The following CORO2A variants were observed in gnomAD, a reference collection of about 807,000 sequenced individuals.
CORO2A encodes coronin 2A.
In CORO2A, 47 loss-of-function variants were observed where a neutral mutation model predicts 62.4. The observed-to-expected ratio is 0.75, with a 90% CI of 0.60 to 0.96. The LOEUF is 0.96. Ranked by LOEUF, CORO2A falls within the 40% of genes least tolerant of loss-of-function variation. The probability of loss-of-function intolerance (pLI) is 0.00; values close to 1 mark genes in which losing one functional copy is unlikely to be tolerated. For synonymous variants in CORO2A, 273 were observed against 268.9 expected, an observed-to-expected ratio of 1.02 and a Z score of -0.15; for missense variants, 610 against 684.1, an observed-to-expected ratio of 0.89 and a Z score of 1.21.
rs1554744991 is a variant in CORO2A at position 98,154,329 on chromosome 9, G to GTATATATATATATATGTA, written c.201+3130_201+3131insTACATATATATATATATA. ...TAGAGTCTTTCTTATGTGTTTGTGTGTATATATATATATATATATATATAC... is the reference window on the plus strand; with the variant it reads ...TAGAGTCTTTCTTATGTGTTTGTGTGTATATATATATATATGTATATATATATATATATATATATATAC... On this transcript the variant is annotated intron_variant, in intron 2 of 11. Coordinates refer to ENST00000375077, the MANE Select transcript of CORO2A (RefSeq NM_052820.4). 2.2e-3 allele frequency among the ~76,000 whole-genome samples: 194 copies of GTATATATATATATATGTA among 88,958 alleles called. 1 individual carries two copies. The highest frequency in any genetic ancestry group is 0.01 in the African/African-American group (186 of 18,488). 58.4% of individuals were successfully genotyped at this position (88,958 alleles called of 152,430 possible). A position where few individuals can be genotyped will look rare whatever the true frequency, so the allele number is the denominator to read the frequency against.
chr9:98,127,556 A>G (rs886452713), intron 10 of CORO2A, among the ~76,000 whole-genome samples: 9 of 152,278 alleles, frequency 5.9e-5, no homozygotes, highest in African/African-American at 2.2e-4. Context: ...TCGCACCTGT[A>G]ATCCCAGCAC....
At chr9:98,131,973 C>A (rs1039379336) in intron 6 of CORO2A, among the ~76,000 whole-genome samples, 3 of 152,174 alleles carry the variant, frequency 2.0e-5, no homozygotes, top group Non-Finnish European at 4.4e-5. Flanking sequence ...GGGTCCTGAC[C>A]CATCTCCCTC....
intron 2 of CORO2A, among the ~76,000 whole-genome samples, chr9:98,151,600 T>A (rs189912284): frequency 3.9e-5 from 6 of 152,336 alleles, no homozygotes; most frequent in Admixed American, 3.9e-4. Context: ...TAGACAATTA[T>A]ATATGTAAAT....
intron 3 of CORO2A, among the ~76,000 whole-genome samples, chr9:98,135,487 G>A (rs1827473824): frequency 6.6e-6 from 1 of 152,184 alleles, no homozygotes; most frequent in African/African-American, 2.4e-5. Context: ...TGAAGGTCAG[G>A]AGGCTGGGCT....
intron 1 of CORO2A, among the ~76,000 whole-genome samples, chr9:98,159,845 C>T (rs1827860030): frequency 6.6e-6 from 1 of 152,124 alleles, no homozygotes; most frequent in East Asian, 1.9e-4. Context: ...AGTGTCTATC[C>T]CCCTTGGGCC....
chr9:98,130,039 C>T (rs1194512333), intron 7 of CORO2A, 149 bp from the exon 8 acceptor site: 3 of 617,624 alleles, frequency 4.9e-6, no homozygotes, highest in African/African-American at 1.8e-5. Flanking sequence ...ACTGGGGGCC[C>T]TGTCATCAAG....
chr9:98,164,971 C>A (rs948424684), intron 1 of CORO2A, among the ~76,000 whole-genome samples: 1 of 151,306 alleles, frequency 6.6e-6, no homozygotes, highest in African/African-American at 2.5e-5. Context: ...CTAGGTGTAA[C>A]AATTCTTTTT....
intron 2 of CORO2A, among the ~76,000 whole-genome samples, chr9:98,142,818 C>T (rs1827590477): frequency 6.8e-6 from 1 of 147,784 alleles, no homozygotes; most frequent in Admixed American, 6.8e-5. Context: ...CCCCAGCCCT[C>T]CCCTCCGCCC....
intron 6 of CORO2A, 145 bp from the exon 7 acceptor site, chr9:98,131,204 C>A: frequency 1.6e-6 from 1 of 606,654 alleles, no homozygotes; most frequent in Non-Finnish European, 3.0e-6. Context: ...TATGTGTGTG[C>A]GGGGGGAAGA....
intron 2 of CORO2A, among the ~76,000 whole-genome samples, chr9:98,141,854 C>T (rs779768747): frequency 3.9e-5 from 6 of 151,980 alleles, no homozygotes; most frequent in Non-Finnish European, 5.9e-5. Flanking sequence ...CATGAAGAGC[C>T]CAACAGTCAG....
chr9:98,131,053 G>A lies in CORO2A; in HGVS notation c.772C>T (p.Leu258Phe). ...TCCTCCTCCATCAGAGGCACAGAGA[G>A]GTTATCCTGCAGGGGAAGGGGAGGC... ...RQVALWDQDN[L>F]SVPLMEEDLD... is the part of the protein sequence containing the mutation. Residue 258 changes from leucine (L) to phenylalanine (F), a missense_variant, in exon 7 of 12, where the codon CTC becomes TTC. Leu to Phe is a conservative substitution (Grantham distance 22). Coordinates refer to ENST00000375077, the MANE Select transcript of CORO2A (RefSeq NM_052820.4). 1 of 1,611,558 alleles carries A rather than the reference G, an allele frequency of 6.2e-7. No individual in the cohort carries two copies. The highest frequency in any genetic ancestry group is 1.1e-5 in the South Asian group (1 of 90,594).
chr9:98,179,425 C>T (rs1828148286), intron 1 of CORO2A, among the ~76,000 whole-genome samples: 1 of 152,336 alleles, frequency 6.6e-6, no homozygotes, highest in African/African-American at 2.4e-5. Flanking sequence ...TATCTCTCAT[C>T]CTCCCCATCT....
chr9:98,163,741 T>TGTGAGAGAGA (rs1253283361), intron 1 of CORO2A, among the ~76,000 whole-genome samples: 12 of 139,632 alleles, frequency 8.6e-5, no homozygotes, highest in African/African-American at 3.4e-4. Flanking sequence ...TGTGTGTGTG[T>TGTGAGAGAGA]GAGAGAGAGA....
chr9:98,191,296 C>T (rs1327636025), intron 1 of CORO2A, among the ~76,000 whole-genome samples: 3 of 152,164 alleles, frequency 2.0e-5, no homozygotes, highest in African/African-American at 7.2e-5. Flanking sequence ...ACATTCCAGT[C>T]CTGATGCACA....
intron 4 of CORO2A, among the ~76,000 whole-genome samples, chr9:98,133,728 C>T (rs1016521188): frequency 2.0e-5 from 3 of 152,058 alleles, no homozygotes; most frequent in African/African-American, 7.2e-5. Context: ...ATCGGAAGAG[C>T]GAGGGCCCAG....
chr9:98,154,515 A>G (rs1266340114), intron 2 of CORO2A, among the ~76,000 whole-genome samples: 1 of 151,970 alleles, frequency 6.6e-6, no homozygotes, highest in African/African-American at 2.4e-5. Context: ...TTACTAGCAC[A>G]TAGGAGGTCT....
At chr9:98,179,403 C>A (rs967774055) in intron 1 of CORO2A, among the ~76,000 whole-genome samples, 1 of 152,214 alleles carries the variant, frequency 6.6e-6, no homozygotes, top group Non-Finnish European at 1.5e-5. Context: ...CAATGACCTG[C>A]AATCCTGCTC....
At chr9:98,150,133 A>G in intron 2 of CORO2A, among the ~76,000 whole-genome samples, 1 of 152,032 alleles carries the variant, frequency 6.6e-6, no homozygotes, top group East Asian at 1.9e-4. Context: ...GGGTTTCACC[A>G]TGTTGGCCAG....
At chr9:98,134,991 C>T (rs2118817232) in intron 3 of CORO2A, 36 bp from the exon 4 acceptor site, 2 of 1,607,038 alleles carry the variant, frequency 1.2e-6, no homozygotes, top group Non-Finnish European at 1.7e-6. Flanking sequence ...CAGCATTAGC[C>T]AGGGCACCTT....
Sources: gnomAD v4.1 joint callset for allele counts (sites outside exome capture counted in the v4.1 genomes callset) on GRCh38, gnomAD v4.1.1 for gene constraint, MANE v1.5 for transcripts, NCBI Gene and HGNC (gene_info 2026-07-23, HGNC 2026-07-21) for gene names.